FREM1: variants seen among roughly 807,000 people sequenced by gnomAD.
FREM1 encodes FRAS1 related extracellular matrix 1.
In FREM1, 220 loss-of-function variants were observed where a neutral mutation model predicts 210.1. The ratio of observed to expected loss-of-function variants is 1.05; its 90% CI spans 0.94 to 1.17. The LOEUF (loss-of-function observed/expected upper bound fraction) is 1.17. Ranked by LOEUF, FREM1 falls within the 50% of genes most tolerant of loss-of-function variation. The pLI is 0.00. For missense variants in FREM1, 3,454 were observed against 2,675.5 expected, an observed-to-expected ratio of 1.29 and a Z score of -6.42; for synonymous variants, 1,189 against 980.2, an observed-to-expected ratio of 1.21 and a Z score of -3.98.
At position 14,851,310 on chromosome 9, in the gene FREM1, T is replaced by G. The variant is rs1564075307; in HGVS notation, c.1126A>C (p.Ser376Arg). ...TCATCATGTCTCCTCTCAGAATGGC[T>G]GCTGTTTGGTGGCTGATAGGCGATC... The part of the protein sequence containing the change: ...MQIAYQPPNS[S>R]HSERRHDEVE... Residue 376 changes from serine to arginine, a missense_variant, in exon 6 of 37, where the codon AGC (serine) becomes CGC (arginine). Physicochemically the swap from Ser to Arg is moderately radical, Grantham distance 110. Coordinates refer to ENST00000380880, the MANE Select transcript of FREM1 (RefSeq NM_001379081.2). 6.3e-7 allele frequency: 1 copy of G among 1,599,842 alleles called. No individual in the cohort carries two copies. The highest frequency in any genetic ancestry group is 8.5e-7 in the Non-Finnish European group (1 of 1,171,750).
intron 27 of FREM1, among the ~76,000 whole-genome samples, chr9:14,761,028 T>C (rs1845402932): frequency 6.6e-6 from 1 of 152,250 alleles, no homozygotes; most frequent in South Asian, 2.1e-4. Flanking sequence ...TAGTCAGATT[T>C]AGACTCTTTC....
chr9:14,887,197 T>C (rs1010010305), intron 1 of FREM1, among the ~76,000 whole-genome samples: 1 of 152,174 alleles, frequency 6.6e-6, no homozygotes, highest in Non-Finnish European at 1.5e-5. Context: ...TGTGTTTTAA[T>C]TGAGGAAATC....
chr9:14,750,456 G>T (rs1389629727), intron 29 of FREM1, among the ~76,000 whole-genome samples, 180 bp from the exon 30 acceptor site: 3 of 152,072 alleles, frequency 2.0e-5, no homozygotes, highest in East Asian at 3.9e-4. Flanking sequence ...GACCACATTT[G>T]TTCCTGGACG....
At position 14,797,665 on chromosome 9, in the gene FREM1, G is replaced by A. The variant is rs369875926; in HGVS notation, c.3695-23C>T. ...TTCCTGGAAGAAGGAAAAAAAATAA[G>A]TAAATCTTCCTTATGATTGAACCAT... is the stretch of plus-strand genomic sequence containing the variant. On this transcript the variant is annotated intron_variant, in intron 20 of 36. Coordinates refer to ENST00000380880, the MANE Select transcript of FREM1 (RefSeq NM_001379081.2). 2.7e-5 allele frequency: 43 copies of A among 1,595,054 alleles called. No individual in the cohort carries two copies. In the African/African-American group the frequency reaches 4.7e-4, roughly 17 times the overall value.
chr9:14,874,018 C>T (rs1471231559), intron 1 of FREM1, among the ~76,000 whole-genome samples: 3 of 152,140 alleles, frequency 2.0e-5, no homozygotes, highest in Admixed American at 6.5e-5. Flanking sequence ...TTTCATTGCA[C>T]TGTGGTCTGA....
At chr9:14,847,264 G>C (rs2131313993) in intron 7 of FREM1, among the ~76,000 whole-genome samples, 1 of 152,094 alleles carries the variant, frequency 6.6e-6, no homozygotes, top group African/African-American at 2.4e-5. Flanking sequence ...TGTGACACCA[G>C]CTCAGCCATG....
At chr9:14,773,593 T>C (rs1587867742) in intron 25 of FREM1, among the ~76,000 whole-genome samples, 1 of 140,416 alleles carries the variant, frequency 7.1e-6, no homozygotes, top group Non-Finnish European at 1.5e-5. Context: ...TGTGGGGTTT[T>C]TACACGTAAT....
At chr9:14,769,238 T>C (rs1342063025) in intron 27 of FREM1, among the ~76,000 whole-genome samples, 1 of 152,226 alleles carries the variant, frequency 6.6e-6, no homozygotes, top group Non-Finnish European at 1.5e-5. Context: ...TTTATCACCT[T>C]ATAAACATAC....
chr9:14,755,749 A>G (rs1844224690), intron 29 of FREM1, among the ~76,000 whole-genome samples: 1 of 152,222 alleles, frequency 6.6e-6, no homozygotes, highest in Non-Finnish European at 1.5e-5. Context: ...CTTAGCCTGA[A>G]CAACAGCTCA....
chr9:14,766,087 A>C (rs1334123269), intron 27 of FREM1, among the ~76,000 whole-genome samples: 3 of 152,112 alleles, frequency 2.0e-5, no homozygotes, highest in Non-Finnish European at 4.4e-5. Flanking sequence ...ATGCGCACTC[A>C]CTTAGGTCTG....
At chr9:14,880,446 A>C (rs1265039361) in intron 1 of FREM1, among the ~76,000 whole-genome samples, 2 of 152,088 alleles carry the variant, frequency 1.3e-5, no homozygotes, top group Non-Finnish European at 1.5e-5. Flanking sequence ...TCTACTAAAA[A>C]TACAAAAGTT....
At chr9:14,892,654 T>C (rs914162111) in intron 1 of FREM1, among the ~76,000 whole-genome samples, 2 of 152,044 alleles carry the variant, frequency 1.3e-5, no homozygotes, top group Admixed American at 1.3e-4. Context: ...TACAGGATCA[T>C]GGGACATGGG....
Position 14,792,814 on chromosome 9 carries a change from C to A in FREM1, c.3910G>T (p.Glu1304Ter), listed in dbSNP as rs1131691724. ...TAAATCTTCTCCCTGGGTGAGTCTT[C>A]ATCTATGGCTGAAAGAATAGCACTG... ...ISSAILSAID[E>*]DSPREKIYYV... is the part of the protein sequence containing the mutation. The change falls in exon 22 of 37, where the codon GAA (glutamate) becomes TAA (stop). Residue 1304 changes from glutamate to a stop codon, truncating the protein, a stop_gained. Transcript: ENST00000380880. LOFTEE classifies it high-confidence loss of function. The A allele has an allele frequency of 6.2e-7, 1 of 1,605,508 alleles. No homozygotes were observed. Among genetic ancestry groups the A allele is most frequent in the Non-Finnish European group, 8.5e-7 (1 of 1,174,892 alleles).
At chr9:14,898,699 G>A (rs1266272357) in intron 1 of FREM1, among the ~76,000 whole-genome samples, 10 of 152,120 alleles carry the variant, frequency 6.6e-5, no homozygotes, top group East Asian at 5.8e-4. Context: ...CCAAGATCAC[G>A]CCACTACATT....
chr9:14,740,124 T>C (rs890316326), intron 36 of FREM1, 25 bp downstream of exon 36: 8 of 1,542,364 alleles, frequency 5.2e-6, no homozygotes, highest in Non-Finnish European at 6.3e-6. Flanking sequence ...CCCTCCTCAG[T>C]GCAGCCTCCC....
At chr9:14,896,260 C>T (rs1255977896) in intron 1 of FREM1, among the ~76,000 whole-genome samples, 2 of 152,140 alleles carry the variant, frequency 1.3e-5, no homozygotes, top group Admixed American at 1.3e-4. Flanking sequence ...AAAGGGGAAG[C>T]ATGGGCTGGG....
chr9:14,830,656 T>C (rs1406004962), intron 10 of FREM1, among the ~76,000 whole-genome samples: 2 of 152,208 alleles, frequency 1.3e-5, no homozygotes, highest in Admixed American at 6.5e-5. Flanking sequence ...GCTCTGTTTC[T>C]GTATGGGGGA....
At chr9:14,815,745 T>G in intron 15 of FREM1, among the ~76,000 whole-genome samples, 1 of 152,138 alleles carries the variant, frequency 6.6e-6, no homozygotes, top group Non-Finnish European at 1.5e-5. Context: ...TCTCCCAGGT[T>G]CAAGCGATTC....
intron 1 of FREM1, among the ~76,000 whole-genome samples, chr9:14,906,155 G>A (rs771435904): frequency 1.5e-4 from 23 of 152,242 alleles, no homozygotes; most frequent in Non-Finnish European, 2.5e-4. Context: ...CTTCATAAAC[G>A]AACATCTAGT....
Sources: gnomAD v4.1 joint callset for allele counts (sites outside exome capture counted in the v4.1 genomes callset) on GRCh38, gnomAD v4.1.1 for gene constraint, MANE v1.5 for transcripts, NCBI Gene and HGNC (gene_info 2026-07-23, HGNC 2026-07-21) for gene names.